The following IGLL1 variants were observed in gnomAD, a reference collection of about 807,000 sequenced individuals.
IGLL1 encodes immunoglobulin lambda like polypeptide 1.
IGLL1 carries 10 observed loss-of-function variants against 10.5 expected under a neutral mutation model. That is an observed-to-expected ratio of 0.95 (90% CI 0.59 to 1.62). IGLL1 has a LOEUF of 1.62. Among genes scored for constraint, IGLL1 ranks in the 40% most tolerant of loss-of-function variants. The pLI is 0.00. For missense variants in IGLL1, 284 were observed against 278.7 expected, an observed-to-expected ratio of 1.02 and a Z score of -0.14; for synonymous variants, 141 against 122.7, an observed-to-expected ratio of 1.15 and a Z score of -0.99.
chr22:23,575,323 G>A (rs532186888), intron 1 of IGLL1, among the ~76,000 whole-genome samples: 4 of 152,112 alleles, frequency 2.6e-5, no homozygotes, highest in African/African-American at 7.2e-5. Context: ...CAGCTGTGCC[G>A]TGTGGCTGAG....
chr22:23,573,940 A>C lies in IGLL1; in HGVS notation c.323-355T>G, dbSNP rs540645896. Among the ~76,000 whole-genome samples, 1,105 of 145,298 alleles carry C rather than the reference A, an allele frequency of 7.6e-3. 24 individuals carry two copies. Among genetic ancestry groups the C allele is most frequent in the East Asian group, 0.02 (101 of 5,088 alleles). The stretch of plus-strand genomic sequence containing the variant: ...TCTCCCTCACAGCACACAAAACTAT[A>C]CTGGCAGGATGTGGGGAGACCCAAG... On this transcript the variant is annotated intron_variant, in intron 2 of 2. Transcript: ENST00000330377.
In IGLL1 at chr22:23,574,986, C is replaced by T; in HGVS notation, c.303G>A (p.Gly101=). 1 of 1,613,300 alleles carries T rather than the reference C, an allele frequency of 6.2e-7. No individual in the cohort carries two copies. Among genetic ancestry groups the T allele is most frequent in the Non-Finnish European group, 8.5e-7 (1 of 1,179,288 alleles). ...HNSVTHVFGS[G]TQLTVLSQPK... ...ACTTACTTAAAACGGTGAGCTGGGT[C>T]CCGCTGCCAAACACATGCGTCACTG... Residue 101 remains glycine, a synonymous_variant, in exon 2 of 3, where the codon GGG becomes GGA. Coordinates refer to ENST00000330377, the MANE Select transcript of IGLL1 (RefSeq NM_020070.4).
intron 2 of IGLL1, among the ~76,000 whole-genome samples, chr22:23,574,209 CTTCACCTGGCAGCCATGGAG>C (rs1242046204): frequency 6.6e-6 from 1 of 150,546 alleles, no homozygotes; most frequent in East Asian, 1.9e-4. Context: ...TGCCCCTGGA[CTTCACCTGGCAGCCATGGAG>C]TTCTCTGCAC....
At chr22:23,577,347 C>T (rs1042335827) in intron 1 of IGLL1, among the ~76,000 whole-genome samples, 3 of 151,820 alleles carry the variant, frequency 2.0e-5, no homozygotes, top group African/African-American at 7.3e-5. Context: ...GAGGCCAGCC[C>T]AGGCAACATA....
chr22:23,574,854 A>AG, intron 2 of IGLL1, 113 bp downstream of exon 2: 1 of 758,676 alleles, frequency 1.3e-6, no homozygotes, highest in Non-Finnish European at 2.3e-6. Flanking sequence ...GGACAAAGGT[A>AG]GGGGTCAGTG....
intron 1 of IGLL1, among the ~76,000 whole-genome samples, chr22:23,578,483 C>T (rs926489505): frequency 6.6e-6 from 1 of 152,198 alleles, no homozygotes; most frequent in African/African-American, 2.4e-5. Flanking sequence ...GAAGTCCGTG[C>T]AGGACACTGA....
chr22:23,576,399 T>C (rs1251011154), intron 1 of IGLL1, among the ~76,000 whole-genome samples: 3 of 142,554 alleles, frequency 2.1e-5, no homozygotes, highest in Non-Finnish European at 1.5e-5. Flanking sequence ...CATATTGATC[T>C]CTCCCTCTCT....
chr22:23,579,838 C>A, intron 1 of IGLL1, 147 bp downstream of exon 1: 1 of 616,474 alleles, frequency 1.6e-6, no homozygotes, highest in South Asian at 2.0e-5. Context: ...TGGACAAAAT[C>A]TTGACACTTT....
At position 23,573,416 on chromosome 22, in the gene IGLL1, C is replaced by T. The variant is rs148071349; in HGVS notation, c.492G>A (p.Thr164=). The change falls in exon 3 of 3, where the codon ACG becomes ACA. Residue 164 remains threonine, a synonymous_variant. Coordinates refer to ENST00000330377, the MANE Select transcript of IGLL1 (RefSeq NM_020070.4). ...TPITQGVEMT[T]PSKQSNNKYA... The stretch of plus-strand genomic sequence containing the variant: ...ACTTGTTGTTGCTCTGTTTGGAGGG[C>T]GTGGTCATCTCCACGCCCTGGGTGA... The T allele has an allele frequency of 1.3e-4, 213 of 1,613,880 alleles. No homozygotes were observed. Among genetic ancestry groups the T allele is most frequent in the Non-Finnish European group, 5.0e-5 (59 of 1,179,934 alleles).
chr22:23,575,925 T>C (rs371677860), intron 1 of IGLL1, among the ~76,000 whole-genome samples: 1 of 149,354 alleles, frequency 6.7e-6, no homozygotes, highest in Non-Finnish European at 1.5e-5. Flanking sequence ...CCATGGCCCA[T>C]GCCTGGCTGC....
chr22:23,573,827 T>C (rs1269002414), intron 2 of IGLL1, among the ~76,000 whole-genome samples: 1 of 152,070 alleles, frequency 6.6e-6, no homozygotes, highest in Non-Finnish European at 1.5e-5. Flanking sequence ...AGCCCTTTCC[T>C]CTGCAGCCTC....
intron 1 of IGLL1, 66 bp from the exon 2 acceptor site, chr22:23,575,148 T>C: frequency 8.8e-7 from 1 of 1,140,356 alleles, no homozygotes. Flanking sequence ...GGTAGGGGGG[T>C]GGCCAGTGTC....
intron 1 of IGLL1, among the ~76,000 whole-genome samples, chr22:23,577,066 T>TTTTGAAATTAATTTAAATTAAATTAA (rs1925095918): frequency 1.3e-5 from 2 of 152,212 alleles, no homozygotes; most frequent in African/African-American, 2.4e-5. Context: ...TGTAGAAGAT[T>TTTTGAAATTAATTTAAATTAAATTAA]TTTGAAATTA....
At position 23,578,236 on chromosome 22, in the gene IGLL1, G is replaced by GC. The variant is rs564116621; in HGVS notation, c.206+1748dup. ...TCTAATATAAAAACTTACATTAATA[G>GC]CCCCCCAACATAATACCATTTTTTA... is the stretch of plus-strand genomic sequence containing the variant. On this transcript the variant is annotated intron_variant, in intron 1 of 2. Coordinates refer to ENST00000330377, the MANE Select transcript of IGLL1 (RefSeq NM_020070.4). Among the ~76,000 whole-genome samples the GC allele has an allele frequency of 1.9e-3, 283 of 152,066 alleles. 1 individual carries two copies. Among genetic ancestry groups the GC allele is most frequent in the Non-Finnish European group, 3.3e-3 (226 of 67,972 alleles).
rs142959335 is a variant in IGLL1 at position 23,573,531 on chromosome 22, A to G, written c.377T>C (p.Leu126Pro). The G allele has an allele frequency of 1.0e-4, 169 of 1,613,726 alleles. No individual in the cohort carries two copies. The highest frequency in any genetic ancestry group is 3.3e-4 in the Middle Eastern group (2 of 6,050). The change falls in exon 3 of 3, where the codon CTC (leucine) becomes CCC (proline). Residue 126 changes from leucine to proline, a missense_variant. Leu to Pro is a moderately conservative substitution (Grantham distance 98). Coordinates refer to ENST00000330377, the MANE Select transcript of IGLL1 (RefSeq NM_020070.4). ...VTLFPPSSEE[L>P]QANKATLVCL... Reference sequence around the variant, plus strand: ...CACCAGTGTAGCCTTGTTGGCTTGGAGCTCCTCAGAGGACGGCGGGAACAG... The same window carrying G: ...CACCAGTGTAGCCTTGTTGGCTTGGGGCTCCTCAGAGGACGGCGGGAACAG...
chr22:23,580,112 G>A lies in IGLL1; in HGVS notation c.79C>T (p.Leu27=). The change falls in exon 1 of 3, where the codon CTG becomes TTG. Residue 27 remains leucine, a synonymous_variant. Coordinates refer to ENST00000330377, the MANE Select transcript of IGLL1 (RefSeq NM_020070.4). ...GPNLRQRWPL[L]LLGLAVVTHG... ...GTTACCACGGCCAGACCCAGCAGCA[G>A]CAGGGGCCAGCGCTGCCTGAGGTTG... is the stretch of plus-strand genomic sequence containing the variant. 1 of 1,567,712 alleles carries A rather than the reference G, an allele frequency of 6.4e-7. No homozygotes were observed. Among genetic ancestry groups the A allele is most frequent in the Non-Finnish European group, 8.6e-7 (1 of 1,159,166 alleles).
chr22:23,579,902 C>T, intron 1 of IGLL1, 83 bp downstream of exon 1: 3 of 1,161,968 alleles, frequency 2.6e-6, no homozygotes, highest in Non-Finnish European at 3.6e-6. Context: ...CCTCCTCACC[C>T]CTCTGGCTCG....
chr22:23,578,353 G>A (rs796643311), intron 1 of IGLL1, among the ~76,000 whole-genome samples: 2 of 152,242 alleles, frequency 1.3e-5, no homozygotes, highest in African/African-American at 4.8e-5. Context: ...GCATCACCCT[G>A]CATGTGGCTG....
intron 1 of IGLL1, among the ~76,000 whole-genome samples, chr22:23,579,379 G>C (rs1434731727): frequency 6.6e-6 from 1 of 152,122 alleles, no homozygotes; most frequent in Non-Finnish European, 1.5e-5. Flanking sequence ...CCTCCCTAGA[G>C]CCTCTCCTGG....
Sources: gnomAD v4.1 joint callset for allele counts (sites outside exome capture counted in the v4.1 genomes callset) on GRCh38, gnomAD v4.1.1 for gene constraint, MANE v1.5 for transcripts, NCBI Gene and HGNC (gene_info 2026-07-23, HGNC 2026-07-21) for gene names.